Variants in STEAP3 observed in about 807,000 individuals in gnomAD.
The protein encoded by STEAP3 is metalloreductase STEAP3.
A neutral mutation model predicts 34.9 loss-of-function variants in STEAP3; 35 were observed. That is an observed-to-expected ratio of 1.00 (90% confidence interval 0.76 to 1.33). The LOEUF is 1.33. Among genes scored for constraint, STEAP3 ranks in the 40% most tolerant of loss-of-function variants. The pLI is 0.00. For synonymous variants in STEAP3, 281 were observed against 301.6 expected, an observed-to-expected ratio of 0.93 and a Z score of 0.71; for missense variants, 652 against 667.6, an observed-to-expected ratio of 0.98 and a Z score of 0.26.
chr2:119,243,136 C>G (rs903683623), intron 2 of STEAP3, among the ~76,000 whole-genome samples: 2 of 152,226 alleles, frequency 1.3e-5, no homozygotes. Flanking sequence ...CTCAGAGTCT[C>G]AGCTCAGCCA....
At chr2:119,228,475 C>T (rs1679111831) in intron 1 of STEAP3, among the ~76,000 whole-genome samples, 1 of 152,172 alleles carries the variant, frequency 6.6e-6, no homozygotes, top group South Asian at 2.1e-4. Flanking sequence ...GGGTGAAAGG[C>T]CAGAGCAGCT....
intron 1 of STEAP3, among the ~76,000 whole-genome samples, chr2:119,227,601 C>T (rs1679081360): frequency 6.6e-6 from 1 of 152,176 alleles, no homozygotes; most frequent in African/African-American, 2.4e-5. Flanking sequence ...GCAAAGATCA[C>T]ATGTTTAAGC....
rs57135393 is a variant in STEAP3 at position 119,227,810 on chromosome 2, G to GTATTTATTTATTTATTTATT, written c.-393-2796_-393-2777dup. 9.3e-4 allele frequency among the ~76,000 whole-genome samples: 135 copies of GTATTTATTTATTTATTTATT among 145,362 alleles called. 1 individual carries two copies. The highest frequency in any genetic ancestry group is 3.7e-3 in the East Asian group (18 of 4,816). ...TGAGGGAACAAGCTTCCCATTTCTT[G>GTATTTATTTATTTATTTATT]TATTTATTTATTTATTTATTTATTT... On this transcript the variant is annotated intron_variant, in intron 1 of 5. Coordinates refer to ENST00000393110, the MANE Select transcript of STEAP3 (RefSeq NM_182915.3).
intron 5 of STEAP3, chr2:119,257,595 C>T: frequency 7.2e-6 from 11 of 1,530,878 alleles, no homozygotes; most frequent in Non-Finnish European, 9.7e-6. Flanking sequence ...CTCACTTGTG[C>T]CTGTGTCCAC....
At chr2:119,257,640 C>A in intron 5 of STEAP3, 1 of 1,469,570 alleles carries the variant, frequency 6.8e-7, no homozygotes, top group Non-Finnish European at 9.0e-7. Flanking sequence ...GAGCTGGACA[C>A]GTTAAATGCA....
At chr2:119,226,002 T>C (rs1416396438) in intron 1 of STEAP3, among the ~76,000 whole-genome samples, 1 of 152,264 alleles carries the variant, frequency 6.6e-6, no homozygotes, top group Non-Finnish European at 1.5e-5. Flanking sequence ...AGTGCTCTTG[T>C]AGACCGAACC....
chr2:119,253,823 T>TG (rs142439963), intron 4 of STEAP3, among the ~76,000 whole-genome samples: 8,120 of 151,592 alleles, frequency 0.054, 295 homozygotes, highest in Middle Eastern at 0.11. Context: ...TGGAACTTGG[T>TG]GGGGGGGCCC....
chr2:119,225,012 C>T (rs1054902147), intron 1 of STEAP3, among the ~76,000 whole-genome samples: 2 of 152,122 alleles, frequency 1.3e-5, no homozygotes, highest in South Asian at 2.1e-4. Context: ...ACCACTGGGG[C>T]GAAACAGGCT....
intron 2 of STEAP3, among the ~76,000 whole-genome samples, chr2:119,236,809 T>C (rs1677106326): frequency 6.6e-6 from 1 of 152,094 alleles, no homozygotes; most frequent in Non-Finnish European, 1.5e-5. Context: ...TGGGAGCTGG[T>C]GGGGTGGACC....
chr2:119,228,683 G>C (rs1679116200), intron 1 of STEAP3, among the ~76,000 whole-genome samples: 1 of 152,208 alleles, frequency 6.6e-6, no homozygotes, highest in South Asian at 2.1e-4. Flanking sequence ...GGTGTTCCCA[G>C]ATCTGAAGGC....
At chr2:119,246,134 T>A (rs2104820745) in intron 3 of STEAP3, 146 bp downstream of exon 3, 1 of 1,142,090 alleles carries the variant, frequency 8.8e-7, no homozygotes, top group Non-Finnish European at 1.2e-6. Flanking sequence ...CAGGAAATTG[T>A]GGCTCAAAGA....
chr2:119,230,195 A>G (rs112206617), intron 1 of STEAP3, among the ~76,000 whole-genome samples: 152 of 152,312 alleles, frequency 1.0e-3, no homozygotes, highest in Middle Eastern at 3.4e-3. Flanking sequence ...ATTCACTTCA[A>G]CAATGCAAAA....
At chr2:119,261,545 T>C (rs74364910) in intron 5 of STEAP3, among the ~76,000 whole-genome samples, 1,884 of 152,242 alleles carry the variant, frequency 0.012, 30 homozygotes, top group African/African-American at 0.041. Flanking sequence ...CGGTGCCCTC[T>C]GCTGTGTCAC....
chr2:119,248,226 C>T lies in STEAP3; in HGVS notation c.1050+20C>T, dbSNP rs1287404698. 2 of 1,553,168 alleles carry T rather than the reference C, an allele frequency of 1.3e-6. No individual in the cohort carries two copies. Among genetic ancestry groups the T allele is most frequent in the Admixed American group, 1.8e-5 (1 of 56,658 alleles). On this transcript the variant is annotated intron_variant, in intron 4 of 5. Coordinates refer to ENST00000393110, the MANE Select transcript of STEAP3 (RefSeq NM_182915.3). ...AAGCAGGTACCCACCCCATGCCCTT[C>T]CTCCCTCTGGCAACTCAGCACATGC...
At chr2:119,227,357 G>C (rs1394444603) in intron 1 of STEAP3, among the ~76,000 whole-genome samples, 1 of 152,166 alleles carries the variant, frequency 6.6e-6, no homozygotes, top group Non-Finnish European at 1.5e-5. Context: ...CTTCAGGTGT[G>C]GCCTGGTCTC....
rs6753006 is a variant in STEAP3 at position 119,264,809 on chromosome 2, C to A, written c.*1471C>A. On this transcript the variant is annotated 3_prime_UTR_variant, in exon 6 of 6. Transcript: ENST00000393110. ...CACAGATGAGGCTGCCCCTGCCCCC[C>A]CCCCGCCAGGGAGGTTTCATGAGCT... The A allele has an allele frequency of 3.9e-5, 5 of 129,046 alleles. No individual in the cohort carries two copies. The highest frequency in any genetic ancestry group is 8.9e-5 in the Admixed American group (1 of 11,288). The allele number at this position is 129,046 out of a possible 1,614,324, so 8.0% of individuals were successfully genotyped here.
intron 2 of STEAP3, among the ~76,000 whole-genome samples, chr2:119,232,900 T>C (rs1676990067): frequency 6.6e-6 from 1 of 152,130 alleles, no homozygotes; most frequent in South Asian, 2.1e-4. Flanking sequence ...GGCAGGGAAA[T>C]TAATTCTGCC....
intron 3 of STEAP3, among the ~76,000 whole-genome samples, chr2:119,247,081 T>C (rs1677450971): frequency 6.6e-6 from 1 of 152,014 alleles, no homozygotes; most frequent in Non-Finnish European, 1.5e-5. Flanking sequence ...ACGGGGTGCT[T>C]GGGGATCTGA....
chr2:119,238,818 A>G (rs895905885), intron 2 of STEAP3, among the ~76,000 whole-genome samples: 8 of 152,088 alleles, frequency 5.3e-5, no homozygotes, highest in African/African-American at 1.9e-4. Flanking sequence ...TTTTGGAAGG[A>G]TTTCTGCCCC....
Sources: allele counts gnomAD v4.1 joint callset (sites outside exome capture counted in the v4.1 genomes callset), GRCh38; gene constraint gnomAD v4.1.1; transcripts MANE v1.5; gene names NCBI Gene and HGNC (gene_info 2026-07-23, HGNC 2026-07-21).